The following C8A variants were observed in gnomAD, a reference collection of about 807,000 sequenced individuals.
C8A encodes the protein complement component C8 alpha chain.
Under a neutral mutation model 65.3 loss-of-function variants are expected in C8A, and 67 were observed. The observed-to-expected ratio is 1.03, with a 90% CI of 0.84 to 1.26. The LOEUF is 1.26. C8A is among the 50% of genes most tolerant of loss of function. The pLI is 0.00. For missense variants in C8A, 781 were observed against 723.9 expected, an observed-to-expected ratio of 1.08 and a Z score of -0.90; for synonymous variants, 290 against 259.4, an observed-to-expected ratio of 1.12 and a Z score of -1.13.
chr1:56,875,968 G>A lies in C8A; in HGVS notation c.317-94G>A, dbSNP rs965860649. ...AGAAAGAGAATGGGACAGATGGGAGGTTTATTTCTGAGGAAGAAAGGACTT... is the reference window on the plus strand; with the variant it reads ...AGAAAGAGAATGGGACAGATGGGAGATTTATTTCTGAGGAAGAAAGGACTT... On this transcript the variant is annotated intron_variant, in intron 3 of 10. Coordinates refer to ENST00000361249, the MANE Select transcript of C8A (RefSeq NM_000562.3). The A allele has an allele frequency of 5.0e-5, 75 of 1,493,764 alleles. 1 individual carries two copies. Among genetic ancestry groups the A allele is most frequent in the Non-Finnish European group, 6.5e-5 (71 of 1,095,062 alleles). 92.5% of individuals were successfully genotyped at this position (1,493,764 alleles called of 1,614,324 possible). A position where few individuals can be genotyped will look rare whatever the true frequency, so the allele number is the denominator to read the frequency against.
In C8A at chr1:56,881,461, C is replaced by T; in HGVS notation, c.481C>T (p.Gln161Ter). The T allele has an allele frequency of 1.9e-6, 3 of 1,613,530 alleles. No homozygotes were observed. Among genetic ancestry groups the T allele is most frequent in the Non-Finnish European group, 2.5e-6 (3 of 1,179,654 alleles). Residue 161 changes from glutamine to a stop codon, truncating the protein, a stop_gained, in exon 5 of 11, where the codon CAG (glutamine) becomes TAG (stop). Transcript: ENST00000361249. LOFTEE classifies it high-confidence loss of function. The part of the protein sequence containing the change: ...KAALGYNILT[Q>*]EDAQSVYDAS... ...TCCATGTAGGTACAATATCCTGACC[C>T]AGGAAGATGCTCAGAGTGTGTACGA...
At chr1:56,906,026 C>T (rs1464496462) in intron 7 of C8A, among the ~76,000 whole-genome samples, 2 of 152,112 alleles carry the variant, frequency 1.3e-5, no homozygotes, top group African/African-American at 2.4e-5. Context: ...ACAGTCTTTA[C>T]GGAGTCTGAA....
intron 7 of C8A, among the ~76,000 whole-genome samples, chr1:56,902,340 G>T (rs900221184): frequency 2.6e-5 from 4 of 152,098 alleles, no homozygotes; most frequent in Non-Finnish European, 2.9e-5. Context: ...TCTCTGGAGG[G>T]TTTAATCCAG....
At chr1:56,855,366 G>T (rs1187271453) in intron 1 of C8A, among the ~76,000 whole-genome samples, 1 of 152,126 alleles carries the variant, frequency 6.6e-6, no homozygotes, top group Non-Finnish European at 1.5e-5. Context: ...TCTCCTGAGT[G>T]GTGCTGAACA....
At chr1:56,855,178 G>A (rs1168698783) in intron 1 of C8A, among the ~76,000 whole-genome samples, 200 bp downstream of exon 1, 1 of 152,184 alleles carries the variant, frequency 6.6e-6, no homozygotes, top group Non-Finnish European at 1.5e-5. Context: ...GTAAATCACA[G>A]CTCTAATGCT....
At chr1:56,866,122 C>T (rs1183523965) in intron 1 of C8A, among the ~76,000 whole-genome samples, 2 of 152,164 alleles carry the variant, frequency 1.3e-5, no homozygotes, top group Admixed American at 6.5e-5. Flanking sequence ...TAAAACACTC[C>T]TCCCCGTTTC....
intron 9 of C8A, among the ~76,000 whole-genome samples, chr1:56,910,173 T>C (rs534348794): frequency 1.3e-5 from 2 of 152,342 alleles, no homozygotes; most frequent in African/African-American, 4.8e-5. Flanking sequence ...ACCCCAGAGT[T>C]CAGCAGTGCT....
chr1:56,918,027 G>A lies in C8A; in HGVS notation c.*311G>A. ...TGAGAAAACTCAATCCATGACCAGGGAGAACTTACAGGATGTTAGAGACAA... is the reference window on the plus strand; with the variant it reads ...TGAGAAAACTCAATCCATGACCAGGAAGAACTTACAGGATGTTAGAGACAA... On this transcript the variant is annotated 3_prime_UTR_variant, in exon 11 of 11. Coordinates refer to ENST00000361249, the MANE Select transcript of C8A (RefSeq NM_000562.3). 3.5e-6 allele frequency: 1 copy of A among 286,872 alleles called. No homozygotes were observed. The highest frequency in any genetic ancestry group is 7.9e-5 in the East Asian group (1 of 12,598). The allele number at this position is 286,872 out of a possible 1,614,324, so 17.8% of individuals were successfully genotyped here.
At chr1:56,873,035 T>C (rs181835652) in intron 2 of C8A, among the ~76,000 whole-genome samples, 4 of 152,212 alleles carry the variant, frequency 2.6e-5, no homozygotes, top group Non-Finnish European at 5.9e-5. Context: ...AATTACAATC[T>C]CTTCCTACAG....
chr1:56,859,986 C>T (rs778700995), intron 1 of C8A, among the ~76,000 whole-genome samples: 1 of 152,198 alleles, frequency 6.6e-6, no homozygotes, highest in African/African-American at 2.4e-5. Flanking sequence ...TTGCTTGAAC[C>T]TGGGAGCCGG....
intron 7 of C8A, among the ~76,000 whole-genome samples, chr1:56,904,080 C>T (rs929828178): frequency 2.0e-5 from 3 of 152,312 alleles, no homozygotes; most frequent in Middle Eastern, 3.4e-3. Context: ...TGGGCAAGTT[C>T]TTTATAATGG....
At chr1:56,859,220 G>A (rs1644006665) in intron 1 of C8A, among the ~76,000 whole-genome samples, 1 of 152,120 alleles carries the variant, frequency 6.6e-6, no homozygotes, top group African/African-American at 2.4e-5. Context: ...TCTATAAAAT[G>A]GGAATAGTAC....
At chr1:56,867,766 G>A in intron 2 of C8A, 64 bp downstream of exon 2, 1 of 1,227,132 alleles carries the variant, frequency 8.1e-7, no homozygotes, top group Admixed American at 1.7e-5. Context: ...GCATTCAAAT[G>A]GAGATTAAGC....
rs57839684 is a variant in C8A, at chr1:56,878,353, G to A, written c.464+2144G>A. 3.6e-3 allele frequency among the ~76,000 whole-genome samples: 552 copies of A among 152,270 alleles called. 3 individuals carry two copies. Among genetic ancestry groups the A allele is most frequent in the African/African-American group, 0.013 (523 of 41,564 alleles). ...GTAACATCAATAAAAGGGGATTCTT[G>A]TTGATTTCAAAAGTGACTATAGAGT... On this transcript the variant is annotated intron_variant, in intron 4 of 10. Transcript: ENST00000361249.
intron 7 of C8A, among the ~76,000 whole-genome samples, chr1:56,886,629 A>T (rs2101249555): frequency 6.6e-6 from 1 of 151,904 alleles, no homozygotes; most frequent in South Asian, 2.1e-4. Context: ...ACTCTCCTCC[A>T]TCTCCACTCC....
intron 7 of C8A, among the ~76,000 whole-genome samples, chr1:56,888,071 G>T (rs946535909): frequency 1.3e-5 from 2 of 151,906 alleles, no homozygotes; most frequent in Admixed American, 6.6e-5. Flanking sequence ...CCATGGCATG[G>T]GTATACCTAC....
chr1:56,883,555 C>T lies in C8A; in HGVS notation c.729C>T (p.Asp243=), dbSNP rs756505395. The T allele has an allele frequency of 6.8e-6, 11 of 1,613,608 alleles. No individual in the cohort carries two copies. The highest frequency in any genetic ancestry group is 9.3e-6 in the Non-Finnish European group (11 of 1,179,826). The change falls in exon 6 of 11, where the codon GAC becomes GAT. Residue 243 remains aspartate, a synonymous_variant. Transcript: ENST00000361249. ...ANDLLSKVKK[D]KSDSFGVTIG... Reference sequence around the variant, plus strand: ...ACCTTCTTTCCAAAGTTAAAAAAGACAAGTCTGACTCATTTGGAGTGACCA... The same window carrying T: ...ACCTTCTTTCCAAAGTTAAAAAAGATAAGTCTGACTCATTTGGAGTGACCA...
intron 1 of C8A, among the ~76,000 whole-genome samples, chr1:56,867,036 T>C (rs1356754262): frequency 6.6e-6 from 1 of 152,178 alleles, no homozygotes; most frequent in Non-Finnish European, 1.5e-5. Context: ...TCTAATAATA[T>C]TTATCTCCAA....
intron 9 of C8A, 65 bp from the exon 10 acceptor site, chr1:56,912,338 T>C: frequency 6.6e-7 from 1 of 1,511,698 alleles, no homozygotes; most frequent in Non-Finnish European, 9.2e-7. Context: ...TGGTGGCCGG[T>C]TCTTGGGCTC....
Sources: gnomAD v4.1 joint callset for allele counts (sites outside exome capture counted in the v4.1 genomes callset) on GRCh38, gnomAD v4.1.1 for gene constraint, MANE v1.5 for transcripts, NCBI Gene and HGNC (gene_info 2026-07-23, HGNC 2026-07-21) for gene names.